ANO2: variants seen among roughly 807,000 people sequenced by gnomAD.
ANO2 encodes the protein anoctamin-2.
ANO2 carries 101 observed loss-of-function variants against 124.2 expected under a neutral mutation model. The ratio of observed to expected loss-of-function variants is 0.81; its 90% CI spans 0.69 to 0.96. ANO2 has a LOEUF of 0.96. ANO2 is among the 40% of genes least tolerant of loss of function. The pLI is 0.00. For synonymous variants in ANO2, 486 were observed against 482.5 expected (o/e 1.01, Z -0.09); for missense variants, 1,293 against 1,274.5 (o/e 1.01, Z -0.22).
At chr12:5,912,985 C>T (rs190886550) in intron 3 of ANO2, among the ~76,000 whole-genome samples, 147 of 152,254 alleles carry the variant, frequency 9.7e-4, no homozygotes, top group African/African-American at 3.5e-3. Context: ...AAGCAACCAT[C>T]CCACTCCAGA....
At chr12:5,759,128 T>C (rs1371497549) in intron 10 of ANO2, among the ~76,000 whole-genome samples, 1 of 137,786 alleles carries the variant, frequency 7.3e-6, no homozygotes, top group Non-Finnish European at 1.5e-5. Context: ...AAATATGTTA[T>C]GGCTAAGAAT....
chr12:5,704,697 A>ATGTGTGTGTGTG (rs3067798), intron 14 of ANO2, among the ~76,000 whole-genome samples: 9 of 148,774 alleles, frequency 6.0e-5, no homozygotes, highest in African/African-American at 2.0e-4. Context: ...TGGTGTGTGT[A>ATGTGTGTGTGTG]TGTGTGTGTG....
intron 11 of ANO2, among the ~76,000 whole-genome samples, chr12:5,749,878 C>T (rs1404447663): frequency 6.6e-6 from 1 of 152,122 alleles, no homozygotes. Context: ...AGTAAACTGT[C>T]CAGTCACATG....
chr12:5,798,089 T>C (rs1269410239), intron 10 of ANO2, among the ~76,000 whole-genome samples: 1 of 148,132 alleles, frequency 6.8e-6, no homozygotes, highest in East Asian at 2.0e-4. Context: ...AACAAATGAG[T>C]AGTTGGAGAA....
chr12:5,583,214 G>A (rs1942853323), intron 20 of ANO2, among the ~76,000 whole-genome samples: 1 of 152,206 alleles, frequency 6.6e-6, no homozygotes, highest in South Asian at 2.1e-4. Context: ...TGCTGATGGT[G>A]AAAAGAGAGG....
At chr12:5,668,315 C>CTT (rs1947835526) in intron 14 of ANO2, among the ~76,000 whole-genome samples, 1 of 152,008 alleles carries the variant, frequency 6.6e-6, no homozygotes. Context: ...TGATGTTGAG[C>CTT]TTTTATTCAT....
At position 5,832,682 on chromosome 12, in the gene ANO2, T is replaced by C. The variant is rs934837329; in HGVS notation, c.634-79A>G. On this transcript the variant is annotated intron_variant, in intron 4 of 24. Coordinates refer to ENST00000682330, the MANE Select transcript of ANO2 (RefSeq NM_001364791.2). ...AATGGCTTCACAAAAAAAAGCTGCA[T>C]GGACACAGATTCCCAGAGGTGAACA... 9 of 1,434,858 alleles carry C rather than the reference T, an allele frequency of 6.3e-6. No homozygotes were observed. The East Asian group carries it at 1.7e-4, about 28-fold the overall frequency. 88.9% of individuals were successfully genotyped at this position (1,434,858 alleles called of 1,614,324 possible).
At chr12:5,835,955 A>C (rs941240013) in intron 4 of ANO2, among the ~76,000 whole-genome samples, 2 of 152,172 alleles carry the variant, frequency 1.3e-5, no homozygotes, top group Non-Finnish European at 2.9e-5. Flanking sequence ...GAGACTATGG[A>C]GTTCACCATA....
At chr12:5,909,920 T>G (rs191968750) in intron 3 of ANO2, among the ~76,000 whole-genome samples, 170 of 152,350 alleles carry the variant, frequency 1.1e-3, no homozygotes, top group Non-Finnish European at 1.1e-3. Context: ...ATGAAATCTA[T>G]GGACCCTACT....
intron 3 of ANO2, among the ~76,000 whole-genome samples, chr12:5,879,931 C>G (rs1818170981): frequency 6.6e-6 from 1 of 152,154 alleles, no homozygotes; most frequent in Non-Finnish European, 1.5e-5. Flanking sequence ...AAAGATCACT[C>G]TGATAGAGCA....
Position 5,787,074 on chromosome 12 carries a change from G to A in ANO2, c.1055+12433C>T, listed in dbSNP as rs531794408. On this transcript the variant is annotated intron_variant, in intron 10 of 24. Coordinates refer to ENST00000682330, the MANE Select transcript of ANO2 (RefSeq NM_001364791.2). This position sits in a 1 kb window ranked among gnomAD's most constrained non-coding sequence, Gnocchi z 4.2. ...TTAGTTATGATGTCAGGGGGATGAG[G>A]AGAGGAAGACAAAAGAGGCTCTGGG... Among the ~76,000 whole-genome samples, 10 of 152,282 alleles carry A rather than the reference G, an allele frequency of 6.6e-5. No homozygotes were observed. In the South Asian group the frequency reaches 2.1e-3, roughly 32 times the overall value.
intron 20 of ANO2, among the ~76,000 whole-genome samples, chr12:5,587,431 A>G (rs909364960): frequency 1.3e-5 from 2 of 152,232 alleles, no homozygotes; most frequent in African/African-American, 4.8e-5. Flanking sequence ...AATGGCTGCA[A>G]GTGTCCAGAG....
intron 3 of ANO2, among the ~76,000 whole-genome samples, chr12:5,891,401 T>C (rs765224010): frequency 8.5e-5 from 13 of 152,192 alleles, no homozygotes; most frequent in Non-Finnish European, 1.8e-4. Flanking sequence ...GTGCGTCCTT[T>C]CACCACTTGG....
chr12:5,754,802 T>C (rs1335625340), intron 10 of ANO2, among the ~76,000 whole-genome samples: 1 of 152,178 alleles, frequency 6.6e-6, no homozygotes, highest in African/African-American at 2.4e-5. Context: ...TCTAATTTTA[T>C]TTATTTGCAA....
chr12:5,593,453 C>T (rs1006868819), intron 20 of ANO2, among the ~76,000 whole-genome samples: 16 of 152,188 alleles, frequency 1.1e-4, no homozygotes, highest in Non-Finnish European at 1.8e-4. Context: ...AAAAGACAAA[C>T]ATCTTGGAGT....
chr12:5,633,415 C>T (rs4930771), intron 16 of ANO2, among the ~76,000 whole-genome samples: 99,852 of 151,892 alleles, frequency 0.66, 33,150 homozygotes, highest in East Asian at 0.81. Context: ...TGGCTTTGTC[C>T]ACTCTTGCCT....
intron 4 of ANO2, among the ~76,000 whole-genome samples, chr12:5,839,066 T>C (rs1300690969): frequency 6.6e-6 from 1 of 152,192 alleles, no homozygotes; most frequent in Admixed American, 6.5e-5. Context: ...ATTTTCAAGA[T>C]ACTGGACATC....
intron 12 of ANO2, chr12:5,740,050 C>G: frequency 2.2e-6 from 1 of 447,866 alleles, no homozygotes; most frequent in Non-Finnish European, 4.5e-6. Flanking sequence ...ATCAGTTTGC[C>G]TGCCCCACCC....
intron 3 of ANO2, among the ~76,000 whole-genome samples, chr12:5,914,279 A>C (rs1334737488): frequency 6.6e-6 from 1 of 152,044 alleles, no homozygotes; most frequent in Non-Finnish European, 1.5e-5. Flanking sequence ...CCTCCCTGGG[A>C]GGGCACGATG....
Sources: gnomAD v4.1 joint callset for allele counts (sites outside exome capture counted in the v4.1 genomes callset) on GRCh38, gnomAD v4.1.1 for gene constraint, Gnocchi (gnomAD v3.1) non-coding constraint, MANE v1.5 for transcripts, NCBI Gene and HGNC (gene_info 2026-07-23, HGNC 2026-07-21) for gene names.